Variants in RNF216 observed in about 807,000 individuals in gnomAD.
RNF216 encodes the protein E3 ubiquitin-protein ligase RNF216.
Under a neutral mutation model 110.8 loss-of-function variants are expected in RNF216, and 72 were observed. The ratio of observed to expected loss-of-function variants is 0.65; its 90% CI spans 0.54 to 0.79. The LOEUF (loss-of-function observed/expected upper bound fraction) is 0.79, where lower values mean the gene tolerates loss of function less well. Among genes scored for constraint, RNF216 ranks in the 30% least tolerant of loss-of-function variants. The probability of loss-of-function intolerance (pLI) is 0.00; values close to 1 mark genes in which losing one functional copy is unlikely to be tolerated. For missense variants in RNF216, 1,342 were observed against 1,141.2 expected (o/e 1.18, Z -2.54); for synonymous variants, 495 against 407.5 (o/e 1.21, Z -2.59).
chr7:5,639,123 G>A (rs1054883786), intron 15 of RNF216, among the ~76,000 whole-genome samples: 1 of 152,172 alleles, frequency 6.6e-6, no homozygotes, highest in Non-Finnish European at 1.5e-5. Flanking sequence ...TGGCTGATGG[G>A]ACTGAAGCAG....
At chr7:5,779,650 G>C (rs1429147560) in intron 1 of RNF216, among the ~76,000 whole-genome samples, 1 of 92,774 alleles carries the variant, frequency 1.1e-5, no homozygotes, top group Non-Finnish European at 2.0e-5. Flanking sequence ...GCTAGACTCC[G>C]TCTCTTAAAA....
intron 5 of RNF216, among the ~76,000 whole-genome samples, chr7:5,734,825 AAAATAAAT>A (rs577475175): frequency 0.083 from 9,845 of 118,074 alleles, 444 homozygotes; most frequent in South Asian, 0.15. Flanking sequence ...ACTCTCTCTC[AAAATAAAT>A]AAATAAATAA....
At chr7:5,757,651 C>A (rs191093286) in intron 2 of RNF216, among the ~76,000 whole-genome samples, 2 of 152,124 alleles carry the variant, frequency 1.3e-5, no homozygotes, top group African/African-American at 4.8e-5. Flanking sequence ...AGAATATATA[C>A]AGTATGTATA....
At chr7:5,737,122 G>C (rs6969585) in intron 5 of RNF216, among the ~76,000 whole-genome samples, 9,821 of 152,296 alleles carry the variant, frequency 0.064, 523 homozygotes, top group African/African-American at 0.14. Flanking sequence ...TCAGATTGTT[G>C]CTGTGTCTGT....
At position 5,741,798 on chromosome 7, in the gene RNF216, TC is replaced by T. The variant is rs1562451935; in HGVS notation, c.218del (p.Arg73AsnfsTer16). ...VILTETNKPQ[R>X]SRPNLIKPAA... is the part of the protein sequence containing the mutation. ...CTGGTTTGATGAGATTGGGTCGTGA[TC>T]TCTGAGGTTTATTTGTCTAAGAAAA... On this transcript the variant is annotated frameshift_variant, in exon 4 of 17. Transcript: ENST00000389902. LOFTEE classifies it high-confidence loss of function. 6.3e-7 allele frequency: 1 copy of T among 1,599,416 alleles called. No homozygotes were observed.
intron 13 of RNF216, among the ~76,000 whole-genome samples, chr7:5,704,577 AAC>A (rs1185361736): frequency 6.6e-6 from 1 of 152,232 alleles, no homozygotes; most frequent in Non-Finnish European, 1.5e-5. Context: ...CTGCTTACAA[AAC>A]AGTGTTTTGC....
At chr7:5,736,243 G>T (rs1401886223) in intron 5 of RNF216, among the ~76,000 whole-genome samples, 1 of 152,140 alleles carries the variant, frequency 6.6e-6, no homozygotes, top group African/African-American at 2.4e-5. Flanking sequence ...TCAGCCTGCC[G>T]AGTGCCTGTG....
chr7:5,663,465 TC>T (rs1789285308), intron 13 of RNF216, among the ~76,000 whole-genome samples: 1 of 151,040 alleles, frequency 6.6e-6, no homozygotes, highest in Admixed American at 6.6e-5. Flanking sequence ...TCGCCTGTAG[TC>T]CCAGCTACTC....
chr7:5,779,656 T>TAAAAA, intron 1 of RNF216, among the ~76,000 whole-genome samples: 1 of 112,542 alleles, frequency 8.9e-6, no homozygotes, highest in Non-Finnish European at 1.8e-5. Flanking sequence ...CTCCGTCTCT[T>TAAAAA]AAAAAAAAAA....
chr7:5,713,850 A>T (rs1309433153), intron 11 of RNF216, among the ~76,000 whole-genome samples: 1 of 152,256 alleles, frequency 6.6e-6, no homozygotes, highest in African/African-American at 2.4e-5. Flanking sequence ...CTTTCAAAAC[A>T]ATGCTATGAT....
chr7:5,697,700 C>T (rs978536229), intron 13 of RNF216, among the ~76,000 whole-genome samples: 3 of 152,278 alleles, frequency 2.0e-5, no homozygotes, highest in Non-Finnish European at 2.9e-5. Flanking sequence ...AGGGAAGAAT[C>T]TTTACAAGCA....
chr7:5,641,493 T>A, intron 14 of RNF216, 117 bp from the exon 15 acceptor site: 1 of 830,900 alleles, frequency 1.2e-6, no homozygotes, highest in Non-Finnish European at 1.9e-6. Flanking sequence ...TTTTGTGACA[T>A]TAAACAGTGA....
chr7:5,768,560 T>A (rs1166939189), intron 1 of RNF216, among the ~76,000 whole-genome samples: 1 of 152,078 alleles, frequency 6.6e-6, no homozygotes, highest in African/African-American at 2.4e-5. Context: ...CTGTATGCCA[T>A]GCCGTAACAA....
chr7:5,754,135 TG>T, intron 2 of RNF216, among the ~76,000 whole-genome samples: 1 of 149,628 alleles, frequency 6.7e-6, no homozygotes, highest in Admixed American at 6.6e-5. Context: ...TGTGTGTGTG[TG>T]TGTGTGTGTG....
chr7:5,671,805 CAAAAAA>C (rs11319565), intron 13 of RNF216, among the ~76,000 whole-genome samples: 2 of 54,242 alleles, frequency 3.7e-5, no homozygotes, highest in Non-Finnish European at 6.6e-5. Context: ...AACTCCGTCT[CAAAAAA>C]AAAAAAAAAA....
chr7:5,692,307 T>C (rs567267592), intron 13 of RNF216, among the ~76,000 whole-genome samples: 41 of 152,322 alleles, frequency 2.7e-4, no homozygotes, highest in African/African-American at 8.9e-4. Context: ...CTGTTACACA[T>C]ACTAGGAAAG....
Position 5,621,864 on chromosome 7 carries a change from AGAAGG to A in RNF216, c.*991_*995del, listed in dbSNP as rs1786385300. ...GAGCTGATGCTCAGCTGACTCCATG[AGAAGG>A]GAAGTGACCTTCACATGGGGGATAC... On this transcript the variant is annotated 3_prime_UTR_variant, in exon 17 of 17. Coordinates refer to ENST00000389902, the MANE Select transcript of RNF216 (RefSeq NM_207111.4). 6.6e-6 allele frequency: 1 copy of A among 152,264 alleles called. No individual in the cohort carries two copies. Among genetic ancestry groups the A allele is most frequent in the African/African-American group, 2.4e-5 (1 of 41,442 alleles). The allele number at this position is 152,264 out of a possible 1,614,324, so 9.4% of individuals were successfully genotyped here. A position where few individuals can be genotyped will look rare whatever the true frequency, so the allele number is the denominator to read the frequency against.
intron 14 of RNF216, among the ~76,000 whole-genome samples, chr7:5,646,537 C>A (rs1420064712): frequency 6.6e-6 from 1 of 151,444 alleles, no homozygotes; most frequent in Admixed American, 6.6e-5. Context: ...GCTAAAAATA[C>A]AAAAAATTAG....
intron 7 of RNF216, among the ~76,000 whole-genome samples, chr7:5,728,292 T>A: frequency 6.6e-6 from 1 of 152,098 alleles, no homozygotes; most frequent in African/African-American, 2.4e-5. Context: ...TTCAGTCTTT[T>A]TTTTTGGCCA....
Sources: gnomAD v4.1 joint callset for allele counts (sites outside exome capture counted in the v4.1 genomes callset) on GRCh38, gnomAD v4.1.1 for gene constraint, MANE v1.5 for transcripts, NCBI Gene and HGNC (gene_info 2026-07-23, HGNC 2026-07-21) for gene names.